The following BMPR1B variants were observed in gnomAD, a reference collection of about 807,000 sequenced individuals.
The protein encoded by BMPR1B is bone morphogenetic protein receptor type 1B, also known as bone morphogenetic protein receptor type-1B.
In BMPR1B, 12 loss-of-function variants were observed where a neutral mutation model predicts 59.1. The observed-to-expected ratio is 0.20, with a 90% CI of 0.13 to 0.33. The LOEUF is 0.33. Ranked by LOEUF, BMPR1B falls within the 10% of genes least tolerant of loss-of-function variation. The pLI, the probability that BMPR1B is intolerant of heterozygous loss-of-function variation, is 1.00. For missense variants in BMPR1B, 550 were observed against 610.9 expected (o/e 0.90, Z 1.05); for synonymous variants, 237 against 207.3 (o/e 1.14, Z -1.23).
intron 1 of BMPR1B, among the ~76,000 whole-genome samples, chr4:94,874,139 G>GTA (rs1023495272): frequency 1.6e-4 from 24 of 152,088 alleles, no homozygotes; most frequent in East Asian, 1.9e-4. Flanking sequence ...ATATATGTGT[G>GTA]TATATATATG....
chr4:94,762,598 G>C (rs1344787963), intron 1 of BMPR1B, among the ~76,000 whole-genome samples: 6 of 152,186 alleles, frequency 3.9e-5, no homozygotes, highest in Non-Finnish European at 8.8e-5. Flanking sequence ...GGCGAGGTTC[G>C]TAGTATAAAA....
intron 2 of BMPR1B, among the ~76,000 whole-genome samples, chr4:94,889,408 G>A (rs931554159): frequency 2.6e-5 from 4 of 152,062 alleles, no homozygotes; most frequent in South Asian, 2.1e-4. Flanking sequence ...ATAAAGAAAC[G>A]GATGCTCTAA....
At chr4:94,867,378 C>T (rs1578739268) in intron 1 of BMPR1B, among the ~76,000 whole-genome samples, 3 of 152,304 alleles carry the variant, frequency 2.0e-5, no homozygotes, top group Admixed American at 2.0e-4. Context: ...CAGTTTATTA[C>T]CGATAAGAGG....
chr4:95,026,134 C>CTTTCTTTCTTTCTTTCTTTCT, intron 3 of BMPR1B, among the ~76,000 whole-genome samples: 1 of 147,612 alleles, frequency 6.8e-6, no homozygotes, highest in East Asian at 2.0e-4. Flanking sequence ...TTCTTTCTTT[C>CTTTCTTTCTTTCTTTCTTTCT]TTTCTTTCTT....
At chr4:94,940,246 G>T (rs1729458800) in intron 2 of BMPR1B, among the ~76,000 whole-genome samples, 1 of 152,168 alleles carries the variant, frequency 6.6e-6, no homozygotes, top group Non-Finnish European at 1.5e-5. Flanking sequence ...ATGCAGCCCA[G>T]GACAGCTTTG....
At chr4:94,796,883 A>C (rs1334323302) in intron 1 of BMPR1B, among the ~76,000 whole-genome samples, 2 of 152,238 alleles carry the variant, frequency 1.3e-5, no homozygotes, top group Non-Finnish European at 2.9e-5. Context: ...AGTCAGGTAT[A>C]ATAGAGTTTA....
intron 1 of BMPR1B, among the ~76,000 whole-genome samples, chr4:94,775,984 G>T (rs1160329776): frequency 1.3e-5 from 2 of 151,894 alleles, no homozygotes; most frequent in South Asian, 2.1e-4. Context: ...CCAGCTACTC[G>T]GGAGACTGAG....
At chr4:95,106,371 A>G (rs1045805358) in intron 4 of BMPR1B, among the ~76,000 whole-genome samples, 5 of 152,044 alleles carry the variant, frequency 3.3e-5, no homozygotes, top group African/African-American at 1.2e-4. Context: ...ATTCAAGAAC[A>G]GTTAGGTCAG....
intron 4 of BMPR1B, among the ~76,000 whole-genome samples, chr4:95,109,695 TC>T (rs70946590): frequency 0.13 from 9,730 of 72,788 alleles, 384 homozygotes; most frequent in Middle Eastern, 0.2. Flanking sequence ...CATTAGAACT[TC>T]TTTTTATTAT....
chr4:94,907,173 A>G (rs1417086734), intron 2 of BMPR1B, among the ~76,000 whole-genome samples: 4 of 152,094 alleles, frequency 2.6e-5, no homozygotes, highest in African/African-American at 9.7e-5. Flanking sequence ...TGGTAGCTGG[A>G]TAAGTGCATC....
intron 1 of BMPR1B, among the ~76,000 whole-genome samples, chr4:94,767,807 T>C (rs1439609405): frequency 6.6e-6 from 1 of 152,150 alleles, no homozygotes; most frequent in African/African-American, 2.4e-5. Flanking sequence ...GTGATTTTTG[T>C]AGGCAAATTA....
At chr4:94,816,741 C>T (rs1724024050) in intron 1 of BMPR1B, among the ~76,000 whole-genome samples, 1 of 152,136 alleles carries the variant, frequency 6.6e-6, no homozygotes, top group South Asian at 2.1e-4. Context: ...GCTACAGTAA[C>T]ATAACTTAGA....
rs112343672 is a variant in BMPR1B, at chr4:94,859,655, C to G, written c.-182-16176C>G. On this transcript the variant is annotated intron_variant, in intron 1 of 12. Coordinates refer to ENST00000515059, the MANE Select transcript of BMPR1B (RefSeq NM_001203.3). ...CAGTGTAGGGTGGCAGTTTTGTGGC[C>G]AGATCTTAAACCAGGTAGCATAAAG... is the stretch of plus-strand genomic sequence containing the variant. Among the ~76,000 whole-genome samples, 826 of 151,742 alleles carry G rather than the reference C, an allele frequency of 5.4e-3. 11 individuals carry two copies. Among genetic ancestry groups the G allele is most frequent in the African/African-American group, 0.019 (791 of 41,356 alleles).
At chr4:95,082,888 A>T (rs1301045217) in intron 3 of BMPR1B, among the ~76,000 whole-genome samples, 1 of 151,706 alleles carries the variant, frequency 6.6e-6, no homozygotes, top group Non-Finnish European at 1.5e-5. Context: ...AATACAAAAA[A>T]TTAGCCGGGT....
rs561564151 is a variant in BMPR1B, at chr4:95,136,885, A to T, written c.1076+5373A>T. ...AACTCCTGGATTCATTGATTTTTTG[A>T]AGGGTTTTTTGTGTCTCTACCTCCT... On this transcript the variant is annotated intron_variant, in intron 10 of 12. Coordinates refer to ENST00000515059, the MANE Select transcript of BMPR1B (RefSeq NM_001203.3). Among the ~76,000 whole-genome samples the T allele has an allele frequency of 2.6e-5, 4 of 152,146 alleles. No individual in the cohort carries two copies. In the South Asian group the frequency reaches 8.3e-4, roughly 32 times the overall value.
intron 1 of BMPR1B, among the ~76,000 whole-genome samples, chr4:94,850,015 CT>C (rs1725508340): frequency 1.3e-5 from 2 of 152,170 alleles, no homozygotes; most frequent in South Asian, 2.1e-4. Flanking sequence ...CTCAGACTTG[CT>C]TTTTTCCCTT....
intron 2 of BMPR1B, among the ~76,000 whole-genome samples, chr4:94,893,774 T>TAAAC (rs71583672): frequency 1.5e-3 from 231 of 151,440 alleles, no homozygotes; most frequent in African/African-American, 5.1e-3. Flanking sequence ...TGGATGATAT[T>TAAAC]AAACAAACAA....
chr4:94,826,151 A>G lies in BMPR1B; in HGVS notation c.-182-49680A>G, dbSNP rs563905989. The stretch of plus-strand genomic sequence containing the variant: ...ATTGACAGAATGGTACTTAATGTAG[A>G]ATTAGATTTTCAAAGATAATGTGAA... On this transcript the variant is annotated intron_variant, in intron 1 of 12. Transcript: ENST00000515059. Among the ~76,000 whole-genome samples the G allele has an allele frequency of 3.9e-5, 6 of 152,330 alleles. 1 individual carries two copies. In the South Asian group the frequency reaches 1.2e-3, roughly 32 times the overall value.
chr4:94,848,635 T>C (rs1725438368), intron 1 of BMPR1B, among the ~76,000 whole-genome samples: 1 of 151,776 alleles, frequency 6.6e-6, no homozygotes. Context: ...TGGAAAGTCA[T>C]TGGAATGTTT....
Sources: allele counts gnomAD v4.1 joint callset (sites outside exome capture counted in the v4.1 genomes callset), GRCh38; gene constraint gnomAD v4.1.1; transcripts MANE v1.5; gene names NCBI Gene and HGNC (gene_info 2026-07-23, HGNC 2026-07-21).